The following CHN1 variants were observed in gnomAD, a reference collection of about 807,000 sequenced individuals.
CHN1 encodes the protein N-chimaerin.
CHN1 carries 37 observed loss-of-function variants against 59.5 expected under a neutral mutation model. The ratio of observed to expected loss-of-function variants is 0.62; its 90% CI spans 0.48 to 0.82. The LOEUF is 0.82. Among genes scored for constraint, CHN1 ranks in the 40% least tolerant of loss-of-function variants. The pLI, the probability that CHN1 is intolerant of heterozygous loss-of-function variation, is 0.00. For synonymous variants in CHN1, 206 were observed against 200.4 expected (o/e 1.03, Z -0.24); for missense variants, 469 against 571.0 (o/e 0.82, Z 1.82).
At chr2:174,997,979 T>G (rs1234645862) in intron 1 of CHN1, among the ~76,000 whole-genome samples, 2 of 135,578 alleles carry the variant, frequency 1.5e-5, no homozygotes. Flanking sequence ...ACAGTAAGAC[T>G]CTGTCTCGGG....
intron 5 of CHN1, among the ~76,000 whole-genome samples, chr2:174,882,436 C>A (rs1303914837): frequency 6.6e-6 from 1 of 152,052 alleles, no homozygotes; most frequent in East Asian, 1.9e-4. Context: ...GCAAATAAAT[C>A]ATATCGACAA....
At chr2:174,841,767 C>A (rs1409613239) in intron 7 of CHN1, among the ~76,000 whole-genome samples, 3 of 151,844 alleles carry the variant, frequency 2.0e-5, no homozygotes, top group African/African-American at 7.3e-5. Context: ...ATGTTGGACA[C>A]TCCTTGTTCA....
intron 6 of CHN1, among the ~76,000 whole-genome samples, chr2:174,853,190 G>T (rs1449946058): frequency 6.6e-6 from 1 of 152,012 alleles, no homozygotes; most frequent in Non-Finnish European, 1.5e-5. Flanking sequence ...TGCAAACTAT[G>T]CACCCGGCAA....
At chr2:174,900,216 G>A (rs114443817) in intron 5 of CHN1, among the ~76,000 whole-genome samples, 1,956 of 152,062 alleles carry the variant, frequency 0.013, 19 homozygotes, top group Middle Eastern at 0.027. Flanking sequence ...CAAGGCCAGG[G>A]GCAGTGACTC....
At chr2:174,990,265 GA>G (rs1351664278) in intron 1 of CHN1, among the ~76,000 whole-genome samples, 1 of 72,206 alleles carries the variant, frequency 1.4e-5, no homozygotes, top group Non-Finnish European at 2.9e-5. Flanking sequence ...GTGTGTGTGA[GA>G]GAGAGAGAGA....
chr2:174,957,020 A>G (rs951449447), intron 1 of CHN1, among the ~76,000 whole-genome samples: 4 of 152,140 alleles, frequency 2.6e-5, no homozygotes, highest in Admixed American at 2.6e-4. Context: ...TTATATGTGT[A>G]TCTCTTTAAA....
At chr2:174,864,553 T>C (rs1687159041) in intron 6 of CHN1, among the ~76,000 whole-genome samples, 1 of 152,200 alleles carries the variant, frequency 6.6e-6, no homozygotes. Flanking sequence ...TATCTCATTC[T>C]ACTAAGTATA....
chr2:174,866,679 A>G (rs1687225966), intron 6 of CHN1, among the ~76,000 whole-genome samples: 1 of 152,226 alleles, frequency 6.6e-6, no homozygotes, highest in African/African-American at 2.4e-5. Context: ...GATGGAAATT[A>G]TGGAAATCCT....
At chr2:174,824,246 C>T (rs1336198768) in intron 8 of CHN1, among the ~76,000 whole-genome samples, 188 bp downstream of exon 8, 2 of 152,274 alleles carry the variant, frequency 1.3e-5, no homozygotes, top group African/African-American at 4.8e-5. Context: ...CCATCAAGTG[C>T]CAGAAGGTTA....
chr2:174,946,066 T>A (rs922646423), intron 2 of CHN1, among the ~76,000 whole-genome samples: 8 of 152,114 alleles, frequency 5.3e-5, no homozygotes, highest in Non-Finnish European at 8.8e-5. Context: ...GAATTTGAAC[T>A]CTTGAACCAA....
At position 174,932,250 on chromosome 2, in the gene CHN1, G is replaced by A. The variant is rs548714824; in HGVS notation, c.114+12638C>T. On this transcript the variant is annotated intron_variant, in intron 3 of 12. Coordinates refer to ENST00000409900, the MANE Select transcript of CHN1 (RefSeq NM_001822.7). ...TATTTCTCGTTTATATAACATTCCT[G>A]TATATGTACTCAAGTTGGCAAGACA... Among the ~76,000 whole-genome samples the A allele has an allele frequency of 2.0e-5, 3 of 152,186 alleles. No individual in the cohort carries two copies. The East Asian group carries it at 5.8e-4, about 29-fold the overall frequency.
intron 1 of CHN1, among the ~76,000 whole-genome samples, chr2:174,955,204 GATAT>G (rs1299386319): frequency 1.2e-4 from 4 of 33,586 alleles, no homozygotes; most frequent in African/African-American, 5.7e-4. Flanking sequence ...ATATATAATT[GATAT>G]ATATATATAT....
In CHN1 at chr2:174,800,304, C is replaced by T. The variant is rs752706315; in HGVS notation, c.1209-17G>A. ...AGGGTCACTCTGAAAAATGCAAGTACAGGAATAAATGACTTTGTGTAAGCC... is the reference window on the plus strand; with the variant it reads ...AGGGTCACTCTGAAAAATGCAAGTATAGGAATAAATGACTTTGTGTAAGCC... On this transcript the variant is annotated splice_polypyrimidine_tract_variant and intron_variant, in intron 12 of 12. Transcript: ENST00000409900. 8 of 1,425,832 alleles carry T rather than the reference C, an allele frequency of 5.6e-6. No individual in the cohort carries two copies. The Admixed American group carries it at 7.8e-5, about 14-fold the overall frequency. The allele number at this position is 1,425,832 out of a possible 1,614,324, so 88.3% of individuals were successfully genotyped here.
At chr2:174,874,377 A>G (rs1404772133) in intron 6 of CHN1, among the ~76,000 whole-genome samples, 1 of 152,210 alleles carries the variant, frequency 6.6e-6, no homozygotes, top group Admixed American at 6.5e-5. Flanking sequence ...TCATGATTAA[A>G]TATTTTTATC....
At chr2:174,959,729 G>A (rs1003201662) in intron 1 of CHN1, among the ~76,000 whole-genome samples, 3 of 152,178 alleles carry the variant, frequency 2.0e-5, no homozygotes, top group Non-Finnish European at 2.9e-5. Context: ...AAGCTTCTGC[G>A]TTTATCAGGT....
Position 174,952,222 on chromosome 2 carries a change from A to G in CHN1, c.20-20T>C. Reference sequence around the variant, plus strand: ...CTGTATCTGAAAGAAAAAACATCAAATTAACATTACTGAATATTTAAATTT... The same window carrying G: ...CTGTATCTGAAAGAAAAAACATCAAGTTAACATTACTGAATATTTAAATTT... On this transcript the variant is annotated intron_variant, in intron 1 of 12. Coordinates refer to ENST00000409900, the MANE Select transcript of CHN1 (RefSeq NM_001822.7). 1 of 1,329,652 alleles carries G rather than the reference A, an allele frequency of 7.5e-7. No individual in the cohort carries two copies. Among genetic ancestry groups the G allele is most frequent in the Non-Finnish European group, 1.0e-6 (1 of 990,532 alleles). 82.4% of individuals were successfully genotyped at this position (1,329,652 alleles called of 1,614,324 possible).
chr2:174,904,350 A>ACT (rs1411460816), intron 5 of CHN1, among the ~76,000 whole-genome samples: 2 of 152,216 alleles, frequency 1.3e-5, no homozygotes, highest in East Asian at 1.9e-4. Context: ...CAACTTAGAT[A>ACT]AAGTGCTGCA....
chr2:174,998,881 G>A (rs1308659118), intron 1 of CHN1, among the ~76,000 whole-genome samples: 1 of 151,994 alleles, frequency 6.6e-6, no homozygotes, highest in African/African-American at 2.4e-5. Flanking sequence ...TGTTTTTAAA[G>A]CTCAGGTGGT....
chr2:174,952,016 A>G (rs1189819116), intron 2 of CHN1, 148 bp downstream of exon 2: 1 of 507,594 alleles, frequency 2.0e-6, no homozygotes, highest in Non-Finnish European at 3.4e-6. Context: ...TTACTTAACC[A>G]CAATTATTTC....
Sources: gnomAD v4.1 joint callset for allele counts (sites outside exome capture counted in the v4.1 genomes callset) on GRCh38, gnomAD v4.1.1 for gene constraint, MANE v1.5 for transcripts, NCBI Gene and HGNC (gene_info 2026-07-23, HGNC 2026-07-21) for gene names.